PATJ: variants seen among roughly 807,000 people sequenced by gnomAD.
PATJ encodes inaD-like protein.
In PATJ, 190 loss-of-function variants were observed where a neutral mutation model predicts 224.9. That is an observed-to-expected ratio of 0.84 (90% CI 0.75 to 0.95). PATJ has a LOEUF of 0.95. PATJ is among the 40% of genes least tolerant of loss of function. The pLI is 0.00. For missense variants in PATJ, 2,121 were observed against 2,270.3 expected (o/e 0.93, Z 1.34); for synonymous variants, 769 against 820.3 (o/e 0.94, Z 1.07).
chr1:62,043,978 C>G (rs1652025844), intron 30 of PATJ, among the ~76,000 whole-genome samples: 1 of 152,100 alleles, frequency 6.6e-6, no homozygotes, highest in South Asian at 2.1e-4. Flanking sequence ...CCACCTCAGC[C>G]CCTCGAGACA....
chr1:61,866,247 A>G (rs958283028), intron 20 of PATJ, among the ~76,000 whole-genome samples: 2 of 152,210 alleles, frequency 1.3e-5, no homozygotes, highest in African/African-American at 4.8e-5. Flanking sequence ...ATTAAAAGAT[A>G]ATTTTCTATG....
At chr1:61,973,567 A>G (rs1430444039) in intron 27 of PATJ, among the ~76,000 whole-genome samples, 1 of 152,010 alleles carries the variant, frequency 6.6e-6, no homozygotes. Context: ...TGTCAGTGCC[A>G]CTGCTGATGA....
At chr1:61,948,311 C>T (rs1348162257) in intron 27 of PATJ, among the ~76,000 whole-genome samples, 1 of 152,050 alleles carries the variant, frequency 6.6e-6, no homozygotes, top group Non-Finnish European at 1.5e-5. Flanking sequence ...TACAATCTAT[C>T]CATCTGACAA....
rs1229837123 is a variant in PATJ, at chr1:62,106,079, TACAC to T, written c.4378-2320_4378-2317del. ...AAAAAAAAAAATATATATATATATATACACACACACACACACACACACACACACA... is the reference window on the plus strand; with the variant it reads ...AAAAAAAAAAATATATATATATATATACACACACACACACACACACACACA... On this transcript the variant is annotated intron_variant, in intron 33 of 43. Transcript: ENST00000642238. Among the ~76,000 whole-genome samples the T allele has an allele frequency of 8.6e-3, 177 of 20,668 alleles. 2 individuals are homozygous for T. Among genetic ancestry groups the T allele is most frequent in the African/African-American group, 0.012 (81 of 6,638 alleles). 13.6% of individuals were successfully genotyped at this position (20,668 alleles called of 152,430 possible). A position where few individuals can be genotyped will look rare whatever the true frequency, so the allele number is the denominator to read the frequency against.
intron 7 of PATJ, among the ~76,000 whole-genome samples, chr1:61,780,921 A>G (rs1647221300): frequency 1.3e-5 from 2 of 152,162 alleles, no homozygotes; most frequent in Non-Finnish European, 2.9e-5. Flanking sequence ...ATCAAAGAGG[A>G]GGTAGAGGGT....
chr1:61,878,438 T>C (rs1381442435), intron 21 of PATJ, among the ~76,000 whole-genome samples: 2 of 152,148 alleles, frequency 1.3e-5, no homozygotes, highest in Non-Finnish European at 2.9e-5. Context: ...TGCCAACTGA[T>C]TGGACCCTGA....
Position 61,901,426 on chromosome 1 carries a change from G to T in PATJ, c.3348G>T (p.Thr1116=), listed in dbSNP as rs142959214. ...QVLEDSPAGK[T]NALKTGDKIL... ...TAGAAGACAGTCCAGCAGGGAAGAC[G>T]AACGCACTTAAAACTGGAGATAAAA... Residue 1116 remains threonine (T), a synonymous_variant, in exon 24 of 44, where the codon ACG becomes ACT. Coordinates refer to ENST00000642238, the MANE Select transcript of PATJ (RefSeq NM_001350145.3). 1.9e-6 allele frequency: 3 copies of T among 1,583,740 alleles called. No homozygotes were observed. Among genetic ancestry groups the T allele is most frequent in the African/African-American group, 2.7e-5 (2 of 72,950 alleles).
chr1:62,144,864 TTA>T (rs1184723697), intron 41 of PATJ, among the ~76,000 whole-genome samples: 1 of 150,944 alleles, frequency 6.6e-6, no homozygotes, highest in Non-Finnish European at 1.5e-5. Flanking sequence ...TATTTTTATC[TTA>T]TTTTATTTTT....
chr1:61,812,618 G>C (rs1655107094), intron 14 of PATJ, among the ~76,000 whole-genome samples: 1 of 152,028 alleles, frequency 6.6e-6, no homozygotes, highest in African/African-American at 2.4e-5. Flanking sequence ...GGAGGCCGAG[G>C]CAGGAAGATC....
rs72677964 is a variant in PATJ, at chr1:62,132,908, A to T, written c.5271+3963A>T. Reference sequence around the variant, plus strand: ...GACAGTGAGACCCTGTCTCAAAATTAAAAAAAAAAAATTACATAAGTAAGT... The same window carrying T: ...GACAGTGAGACCCTGTCTCAAAATTTAAAAAAAAAAATTACATAAGTAAGT... On this transcript the variant is annotated intron_variant, in intron 41 of 43. Transcript: ENST00000642238. Among the ~76,000 whole-genome samples, 764 of 147,636 alleles carry T rather than the reference A, an allele frequency of 5.2e-3. 2 individuals carry two copies. The highest frequency in any genetic ancestry group is 0.012 in the African/African-American group (474 of 40,454).
chr1:62,118,666 G>C (rs538368545), intron 37 of PATJ, among the ~76,000 whole-genome samples: 2 of 152,214 alleles, frequency 1.3e-5, no homozygotes, highest in African/African-American at 4.8e-5. Flanking sequence ...GTCCCACTCT[G>C]TTGCCCAGGT....
At chr1:61,962,841 A>G (rs917236265) in intron 27 of PATJ, among the ~76,000 whole-genome samples, 5 of 152,180 alleles carry the variant, frequency 3.3e-5, no homozygotes, top group Non-Finnish European at 7.3e-5. Flanking sequence ...TGTCACCTCA[A>G]AATGTCAAGA....
At position 61,901,346 on chromosome 1, in the gene PATJ, A is replaced by G; in HGVS notation, c.3268A>G (p.Ile1090Val). 6.3e-7 allele frequency: 1 copy of G among 1,586,370 alleles called. No individual in the cohort carries two copies. Among genetic ancestry groups the G allele is most frequent in the South Asian group, 1.2e-5 (1 of 85,660 alleles). Reference protein sequence around the residue: ...GISIVGGQTVIKRLKNGEELK... With the variant: ...GISIVGGQTVVKRLKNGEELK... ...CAGTATTGTTGGTGGACAAACTGTT[A>G]TAAAACGTCTAAAGAATGGAGAGGA... The change falls in exon 24 of 44, where the codon ATA (isoleucine) becomes GTA (valine). Residue 1090 changes from isoleucine (I) to valine (V), a missense_variant. Coordinates refer to ENST00000642238, the MANE Select transcript of PATJ (RefSeq NM_001350145.3).
At position 61,797,382 on chromosome 1, in the gene PATJ, G is replaced by A. The variant is rs1651567313; in HGVS notation, c.1356G>A (p.Arg452=). ...GQVVHLTLVR[R]KTSSSTSPLE... is the part of the protein sequence containing the mutation. The stretch of plus-strand genomic sequence containing the variant: ...TGGTACACCTAACCCTAGTTCGAAG[G>A]AAGACATCCTCATCTACTTCTCCAC... Residue 452 remains arginine (R), a synonymous_variant, in exon 11 of 44, where the codon AGG becomes AGA. Transcript: ENST00000642238. The A allele has an allele frequency of 1.2e-6, 2 of 1,613,794 alleles. No homozygotes were observed. Among genetic ancestry groups the A allele is most frequent in the South Asian group, 1.1e-5 (1 of 91,070 alleles).
At chr1:62,087,482 A>T (rs1053387211) in intron 33 of PATJ, among the ~76,000 whole-genome samples, 1 of 151,978 alleles carries the variant, frequency 6.6e-6, no homozygotes, top group African/African-American at 2.4e-5. Context: ...GCAAACAGGG[A>T]TAGAAGTTAT....
chr1:61,898,306 T>C (rs1344841932), intron 22 of PATJ, among the ~76,000 whole-genome samples: 1 of 152,146 alleles, frequency 6.6e-6, no homozygotes, highest in African/African-American at 2.4e-5. Flanking sequence ...AGTGGTGTGA[T>C]CATAGCTCAC....
chr1:62,034,868 TG>T (rs1650067815), intron 29 of PATJ, among the ~76,000 whole-genome samples: 1 of 152,232 alleles, frequency 6.6e-6, no homozygotes, highest in Non-Finnish European at 1.5e-5. Context: ...TGAGCTAACT[TG>T]GTTCAGTTCA....
In PATJ at chr1:62,116,517, G is replaced by A; in HGVS notation, c.4656-15G>A. The A allele has an allele frequency of 2.5e-6, 4 of 1,613,584 alleles. No homozygotes were observed. Among genetic ancestry groups the A allele is most frequent in the Non-Finnish European group, 3.4e-6 (4 of 1,179,812 alleles). On this transcript the variant is annotated splice_polypyrimidine_tract_variant and intron_variant, in intron 35 of 43. Transcript: ENST00000642238. Reference sequence around the variant, plus strand: ...TAGGTTGTGCCAATACTGCACTGCTGTATGGTATTAACAGAAATGGAAGCG... The same window carrying A: ...TAGGTTGTGCCAATACTGCACTGCTATATGGTATTAACAGAAATGGAAGCG...
At chr1:62,023,482 T>C (rs1039920072) in intron 29 of PATJ, among the ~76,000 whole-genome samples, 10 of 152,332 alleles carry the variant, frequency 6.6e-5, no homozygotes, top group Admixed American at 3.3e-4. Flanking sequence ...GAACACAATT[T>C]CTGTCTGAAA....
Sources: gnomAD v4.1 joint callset for allele counts (sites outside exome capture counted in the v4.1 genomes callset) on GRCh38, gnomAD v4.1.1 for gene constraint, MANE v1.5 for transcripts, NCBI Gene and HGNC (gene_info 2026-07-23, HGNC 2026-07-21) for gene names.